The following VTA1 variants were observed in gnomAD, a reference collection of about 807,000 sequenced individuals.
VTA1 encodes the protein vesicle trafficking 1.
VTA1 carries 24 observed loss-of-function variants against 36.9 expected under a neutral mutation model. That is an observed-to-expected ratio of 0.65 (90% CI 0.47 to 0.91). The LOEUF (loss-of-function observed/expected upper bound fraction) is 0.91, where lower values mean the gene tolerates loss of function less well. Ranked by LOEUF, VTA1 falls within the 40% of genes least tolerant of loss-of-function variation. The pLI is 0.00. For synonymous variants in VTA1, 142 were observed against 130.2 expected, an observed-to-expected ratio of 1.09 and a Z score of -0.62; for missense variants, 393 against 377.2, an observed-to-expected ratio of 1.04 and a Z score of -0.35.
At chr6:142,187,173 A>C (rs919679357) in intron 4 of VTA1, among the ~76,000 whole-genome samples, 9 of 152,144 alleles carry the variant, frequency 5.9e-5, no homozygotes, top group African/African-American at 2.2e-4. Flanking sequence ...ACTATTTTGC[A>C]CTCTGTCCTA....
chr6:142,207,457 C>T (rs891807616), intron 7 of VTA1, among the ~76,000 whole-genome samples: 5 of 152,074 alleles, frequency 3.3e-5, no homozygotes, highest in Non-Finnish European at 7.4e-5. Flanking sequence ...TCAGCAGTAC[C>T]ATGCTGTAGG....
rs1375051354 is a variant in VTA1, at chr6:142,219,660, C to G, written c.*1017C>G. ...TGCTAGGATTGTCTTTTTTAAAAGT[C>G]ATTTTTATTTATAGGAATATGGGTG... On this transcript the variant is annotated 3_prime_UTR_variant, in exon 8 of 8. Coordinates refer to ENST00000367630, the MANE Select transcript of VTA1 (RefSeq NM_016485.5). 6.6e-6 allele frequency: 1 copy of G among 152,102 alleles called. No homozygotes were observed. Among genetic ancestry groups the G allele is most frequent in the African/African-American group, 2.4e-5 (1 of 41,430 alleles). 9.4% of individuals were successfully genotyped at this position (152,102 alleles called of 1,614,324 possible). A position where few individuals can be genotyped will look rare whatever the true frequency, so the allele number is the denominator to read the frequency against.
chr6:142,162,343 G>A (rs1774826936), intron 1 of VTA1, among the ~76,000 whole-genome samples: 1 of 152,116 alleles, frequency 6.6e-6, no homozygotes, highest in Non-Finnish European at 1.5e-5. Flanking sequence ...AGCTAACTCT[G>A]CTCCATGAAT....
At chr6:142,170,521 C>T in intron 4 of VTA1, 100 bp downstream of exon 4, 1 of 790,186 alleles carries the variant, frequency 1.3e-6, no homozygotes, top group Non-Finnish European at 1.8e-6. Context: ...GAATGTCTGT[C>T]AGAAATTAAT....
At chr6:142,206,932 C>A (rs907711795) in intron 7 of VTA1, among the ~76,000 whole-genome samples, 1 of 152,186 alleles carries the variant, frequency 6.6e-6, no homozygotes, top group Non-Finnish European at 1.5e-5. Context: ...CCACTCATCT[C>A]AAAATTTAAC....
At chr6:142,178,300 GA>G (rs548212793) in intron 4 of VTA1, among the ~76,000 whole-genome samples, 1 of 151,586 alleles carries the variant, frequency 6.6e-6, no homozygotes, top group African/African-American at 2.4e-5. Context: ...AGGGCTGAAA[GA>G]AAAAAAATAA....
At chr6:142,173,105 C>A (rs868344915) in intron 4 of VTA1, among the ~76,000 whole-genome samples, 1 of 151,866 alleles carries the variant, frequency 6.6e-6, no homozygotes. Context: ...ATTTGAGGTG[C>A]AAGTATGACA....
chr6:142,202,153 C>T (rs1775698143), intron 6 of VTA1, among the ~76,000 whole-genome samples: 1 of 151,840 alleles, frequency 6.6e-6, no homozygotes, highest in Non-Finnish European at 1.5e-5. Context: ...TACATTCTAG[C>T]ATTTTTAAAA....
Position 142,198,141 on chromosome 6 carries a change from GTGTGTGTGTGTGTGTGTGTGTGTA to G in VTA1, c.521-296_521-273del, listed in dbSNP as rs1421735937. 1.9e-3 allele frequency among the ~76,000 whole-genome samples: 281 copies of G among 149,128 alleles called. 2 individuals carry two copies. Among genetic ancestry groups the G allele is most frequent in the Non-Finnish European group, 3.0e-3 (200 of 67,000 alleles). On this transcript the variant is annotated intron_variant, in intron 5 of 7. Transcript: ENST00000367630. ...TATATGTGTGTGTGTGTGTGTGTGTGTGTGTGTGTGTGTGTGTGTGTGTATATGTGTGTACATATACACTATATG... is the reference window on the plus strand; with the variant it reads ...TATATGTGTGTGTGTGTGTGTGTGTGTATGTGTGTACATATACACTATATG...
At chr6:142,185,762 CAG>C (rs1162058494) in intron 4 of VTA1, among the ~76,000 whole-genome samples, 4 of 152,296 alleles carry the variant, frequency 2.6e-5, no homozygotes, top group Non-Finnish European at 4.4e-5. Context: ...ATAAACGTAA[CAG>C]AACTTCCTAA....
intron 1 of VTA1, among the ~76,000 whole-genome samples, chr6:142,154,740 G>A (rs1325589333): frequency 2.0e-5 from 3 of 151,976 alleles, no homozygotes; most frequent in Non-Finnish European, 4.4e-5. Context: ...ACCTTTTCAT[G>A]TGCTTATTTA....
At chr6:142,184,160 G>T (rs908912278) in intron 4 of VTA1, among the ~76,000 whole-genome samples, 1 of 152,102 alleles carries the variant, frequency 6.6e-6, no homozygotes, top group South Asian at 2.1e-4. Context: ...GGTACATTCT[G>T]CATTGATAAA....
chr6:142,186,004 T>G (rs528007318), intron 4 of VTA1, among the ~76,000 whole-genome samples: 1 of 152,324 alleles, frequency 6.6e-6, no homozygotes, highest in East Asian at 1.9e-4. Flanking sequence ...GAGGACACTT[T>G]GTCAGCATCC....
intron 5 of VTA1, among the ~76,000 whole-genome samples, chr6:142,190,808 T>A (rs923260059): frequency 2.6e-5 from 4 of 152,222 alleles, no homozygotes; most frequent in Non-Finnish European, 5.9e-5. Flanking sequence ...TGTTTAGCTC[T>A]GCTGTTGTAG....
chr6:142,194,575 T>A (rs565109416), intron 5 of VTA1, among the ~76,000 whole-genome samples: 1 of 152,258 alleles, frequency 6.6e-6, no homozygotes, highest in South Asian at 2.1e-4. Context: ...CTAATAGGAA[T>A]TACAATTGAT....
At chr6:142,165,822 G>C (rs1774903193) in intron 1 of VTA1, among the ~76,000 whole-genome samples, 1 of 152,152 alleles carries the variant, frequency 6.6e-6, no homozygotes, top group African/African-American at 2.4e-5. Context: ...CTCAGTTCAA[G>C]TCTCATTTCC....
chr6:142,216,460 ATC>A (rs1243400104), intron 7 of VTA1, among the ~76,000 whole-genome samples: 2 of 152,168 alleles, frequency 1.3e-5, no homozygotes, highest in East Asian at 1.9e-4. Context: ...GAAAATAAAT[ATC>A]TCTATATGTT....
At chr6:142,181,773 T>A (rs1263367547) in intron 4 of VTA1, among the ~76,000 whole-genome samples, 2 of 152,116 alleles carry the variant, frequency 1.3e-5, no homozygotes, top group African/African-American at 4.8e-5. Context: ...TTTAAGTCTT[T>A]GTGTATTAAG....
intron 4 of VTA1, among the ~76,000 whole-genome samples, chr6:142,187,413 A>G (rs538833629): frequency 6.6e-6 from 1 of 152,370 alleles, no homozygotes; most frequent in Admixed American, 6.5e-5. Context: ...AGTTGATATT[A>G]GCAAGAGCAA....
Sources: gnomAD v4.1 joint callset for allele counts (sites outside exome capture counted in the v4.1 genomes callset) on GRCh38, gnomAD v4.1.1 for gene constraint, MANE v1.5 for transcripts, NCBI Gene and HGNC (gene_info 2026-07-23, HGNC 2026-07-21) for gene names.